CCNG2: variants seen among roughly 807,000 people sequenced by gnomAD.
CCNG2 encodes cyclin G2.
In CCNG2, 20 loss-of-function variants were observed where a neutral mutation model predicts 36.5. The ratio of observed to expected loss-of-function variants is 0.55; its 90% CI spans 0.39 to 0.80. The LOEUF (loss-of-function observed/expected upper bound fraction) is 0.80. Among genes scored for constraint, CCNG2 ranks in the 30% least tolerant of loss-of-function variants. The probability of loss-of-function intolerance (pLI) is 0.00; values close to 1 mark genes in which losing one functional copy is unlikely to be tolerated. For synonymous variants in CCNG2, 155 were observed against 140.1 expected (o/e 1.11, Z -0.75); for missense variants, 358 against 390.8 (o/e 0.92, Z 0.71).
chr4:77,161,290 CAG>C (rs1464638285), intron 4 of CCNG2, among the ~76,000 whole-genome samples, 188 bp from the exon 5 acceptor site: 1 of 151,918 alleles, frequency 6.6e-6, no homozygotes, highest in Non-Finnish European at 1.5e-5. Flanking sequence ...TTAGTAGAGA[CAG>C]GGTTTTTCCA....
chr4:77,160,683 T>A lies in CCNG2; in HGVS notation c.277-38T>A, dbSNP rs779139770. On this transcript the variant is annotated intron_variant, in intron 3 of 7. Coordinates refer to ENST00000316355, the MANE Select transcript of CCNG2 (RefSeq NM_004354.3). ...ATTCTAAGTATCTGCTAAGTCAAAGTGACAGTTGTTAAAAGAAGCCTCTTG... is the reference window on the plus strand; with the variant it reads ...ATTCTAAGTATCTGCTAAGTCAAAGAGACAGTTGTTAAAAGAAGCCTCTTG... 1.9e-6 allele frequency: 3 copies of A among 1,597,242 alleles called. No individual in the cohort carries two copies. In the East Asian group the frequency reaches 6.7e-5, roughly 36 times the overall value.
Position 77,160,874 on chromosome 4 carries a change from A to G in CCNG2, c.430A>G (p.Ile144Val), listed in dbSNP as rs760060047. The change falls in exon 4 of 8, where the codon ATA (isoleucine) becomes GTA (valine). Residue 144 changes from isoleucine to valine, a missense_variant. Ile to Val is a conservative substitution (Grantham distance 29, BLOSUM62 3). Coordinates refer to ENST00000316355, the MANE Select transcript of CCNG2 (RefSeq NM_004354.3). ...TASDIKRMEKIISEKLHYELE... is the reference protein window; with the variant it reads ...TASDIKRMEKVISEKLHYELE... The stretch of plus-strand genomic sequence containing the variant: ...TTCTGACATAAAACGGATGGAAAAA[A>G]TAATTTCAGAAAAATTGCACTATGA... 5 of 1,613,690 alleles carry G rather than the reference A, an allele frequency of 3.1e-6. No homozygotes were observed. The highest frequency in any genetic ancestry group is 3.4e-6 in the Non-Finnish European group (4 of 1,179,988).
chr4:77,158,331 C>T (rs1485818719), intron 1 of CCNG2: 7 of 569,090 alleles, frequency 1.2e-5, no homozygotes, highest in African/African-American at 1.9e-5. Context: ...GACCTGACCA[C>T]GGCTCCTCCC....
rs889908523 is a variant in CCNG2, at chr4:77,160,382, A to T, written c.277-339A>T. 4.7e-5 allele frequency among the ~76,000 whole-genome samples: 7 copies of T among 149,262 alleles called. No individual in the cohort carries two copies. In the East Asian group the frequency reaches 1.4e-3, roughly 29 times the overall value. On this transcript the variant is annotated intron_variant, in intron 3 of 7. Coordinates refer to ENST00000316355, the MANE Select transcript of CCNG2 (RefSeq NM_004354.3). ...AACTTTTTTTTTTTTTTTTAAATAG[A>T]GATGGAGGCTTGCTGTGTTGGCCAG... is the stretch of plus-strand genomic sequence containing the variant.
chr4:77,159,792 C>T (rs1731378119), intron 3 of CCNG2, among the ~76,000 whole-genome samples: 1 of 152,120 alleles, frequency 6.6e-6, no homozygotes, highest in Admixed American at 6.5e-5. Context: ...ATTTATAGTC[C>T]TCAATATAAG....
rs934609340 is a variant in CCNG2, at chr4:77,167,948, C to A, written c.*2024C>A. 6.6e-6 allele frequency: 1 copy of A among 152,196 alleles called. No homozygotes were observed. The highest frequency in any genetic ancestry group is 2.4e-5 in the African/African-American group (1 of 41,448). The allele number at this position is 152,196 out of a possible 1,614,324, so 9.4% of individuals were successfully genotyped here. On this transcript the variant is annotated 3_prime_UTR_variant, in exon 8 of 8. Coordinates refer to ENST00000316355, the MANE Select transcript of CCNG2 (RefSeq NM_004354.3). ...GGGGCTTACCAAATCTCAAGACTCTCTTTAGCTCCTGCAGGATTGTATTGC... is the reference window on the plus strand; with the variant it reads ...GGGGCTTACCAAATCTCAAGACTCTATTTAGCTCCTGCAGGATTGTATTGC...
At chr4:77,158,764 A>T (rs1404982220) in intron 2 of CCNG2, 94 bp downstream of exon 2, 1 of 1,303,182 alleles carries the variant, frequency 7.7e-7, no homozygotes, top group Admixed American at 2.3e-5. Flanking sequence ...TAAAGCCTGC[A>T]AAATTTCTTA....
At position 77,161,642 on chromosome 4, in the gene CCNG2, C is replaced by A. The variant is rs1422399778; in HGVS notation, c.607-7C>A. ...AATATTTTTCTTTTTTTTCTTTTTT[C>A]TTACAGCCATCTGTATTAGCCTTGT... On this transcript the variant is annotated splice_polypyrimidine_tract_variant and splice_region_variant and intron_variant, in intron 5 of 7. Coordinates refer to ENST00000316355, the MANE Select transcript of CCNG2 (RefSeq NM_004354.3). 1 of 1,574,768 alleles carries A rather than the reference C, an allele frequency of 6.4e-7. No individual in the cohort carries two copies. Among genetic ancestry groups the A allele is most frequent in the Non-Finnish European group, 8.6e-7 (1 of 1,163,280 alleles).
rs766784581 is a variant in CCNG2, at chr4:77,165,898, G to A, written c.1009G>A (p.Ala337Thr). 1 of 1,608,934 alleles carries A rather than the reference G, an allele frequency of 6.2e-7. No homozygotes were observed. Among genetic ancestry groups the A allele is most frequent in the African/African-American group, 1.3e-5 (1 of 74,596 alleles). ...CACCTTCTTTTTCAACTTCAAAGTG[G>A]CACAAACACTGTGCTTTCCATCTTA... The part of the protein sequence containing the change: ...ECTFFFNFKV[A>T]QTLCFPS The change falls in exon 8 of 8, where the codon GCA becomes ACA. Residue 337 changes from alanine to threonine, a missense_variant. Physicochemically the swap from Ala to Thr is moderately conservative, Grantham distance 58. Transcript: ENST00000316355.
At chr4:77,158,363 T>G in intron 1 of CCNG2, 170 bp from the exon 2 acceptor site, 1 of 612,478 alleles carries the variant, frequency 1.6e-6, no homozygotes, top group Non-Finnish European at 2.9e-6. Context: ...TCCCTGGCCG[T>G]GGTGGGGATT....
intron 1 of CCNG2, 154 bp from the exon 2 acceptor site, chr4:77,158,378 TG>T: frequency 1.5e-6 from 1 of 685,880 alleles, no homozygotes; most frequent in Non-Finnish European, 2.5e-6. Context: ...GGGATTGCCC[TG>T]GGGCTCTGGC....
In CCNG2 at chr4:77,161,626, CTTTT is replaced by C. The variant is rs762664443; in HGVS notation, c.607-18_607-15del. Reference sequence around the variant, plus strand: ...TTTTGAATTTTTAAAAAATATTTTTCTTTTTTTTCTTTTTTCTTACAGCCATCTG... The same window carrying C: ...TTTTGAATTTTTAAAAAATATTTTTCTTTTCTTTTTTCTTACAGCCATCTG... On this transcript the variant is annotated intron_variant, in intron 5 of 7. Transcript: ENST00000316355. 1.6e-5 allele frequency: 25 copies of C among 1,563,368 alleles called. No individual in the cohort carries two copies. In the South Asian group the frequency reaches 1.7e-4, roughly 10 times the overall value.
intron 6 of CCNG2, among the ~76,000 whole-genome samples, chr4:77,163,401 A>C (rs564697427): frequency 9.5e-4 from 145 of 152,326 alleles, no homozygotes; most frequent in African/African-American, 3.2e-3. Context: ...TAATGTCAGT[A>C]GAGCAGTGAG....
chr4:77,160,530 T>G lies in CCNG2; in HGVS notation c.277-191T>G, dbSNP rs992718319. ...CCACTGTTCCCTGCTGCCTTTTTTT[T>G]TGGGGGGGGGGGGAGGTCGAGAACG... On this transcript the variant is annotated intron_variant, in intron 3 of 7. Transcript: ENST00000316355. Among the ~76,000 whole-genome samples the G allele has an allele frequency of 1.5e-4, 16 of 109,994 alleles. No individual in the cohort carries two copies. The East Asian group carries it at 4.4e-3, about 30-fold the overall frequency. The allele number at this position is 109,994 out of a possible 152,430, so 72.2% of individuals were successfully genotyped here. A position where few individuals can be genotyped will look rare whatever the true frequency, so the allele number is the denominator to read the frequency against.
In CCNG2 at chr4:77,168,753, C is replaced by T. The variant is rs4640692; in HGVS notation, c.*2829C>T. ...GGAGGCTCACAGACAAGTCCAGGAG[C>T]CTGGTTATACCCTCCTGTGCCATTC... On this transcript the variant is annotated 3_prime_UTR_variant, in exon 8 of 8. Transcript: ENST00000316355. 0.48 allele frequency: 73,422 copies of T among 151,886 alleles called. 18,050 individuals carry two copies. Among genetic ancestry groups the T allele is most frequent in the Middle Eastern group, 0.62 (182 of 294 alleles). 9.4% of individuals were successfully genotyped at this position (151,886 alleles called of 1,614,324 possible). A position where few individuals can be genotyped will look rare whatever the true frequency, so the allele number is the denominator to read the frequency against.
rs1731672321 is a variant in CCNG2 at position 77,168,005 on chromosome 4, A to T, written c.*2081A>T. The stretch of plus-strand genomic sequence containing the variant: ...TACTGGATATTTTTCCTGGGTAAGC[A>T]TCTTTGTGGCTTCATCTCTTCCCCC... On this transcript the variant is annotated 3_prime_UTR_variant, in exon 8 of 8. Coordinates refer to ENST00000316355, the MANE Select transcript of CCNG2 (RefSeq NM_004354.3). 6.6e-6 allele frequency: 1 copy of T among 152,148 alleles called. No individual in the cohort carries two copies. Among genetic ancestry groups the T allele is most frequent in the African/African-American group, 2.4e-5 (1 of 41,416 alleles). 9.4% of individuals were successfully genotyped at this position (152,148 alleles called of 1,614,324 possible).
In CCNG2 at chr4:77,168,384, G is replaced by T. The variant is rs1731682407; in HGVS notation, c.*2460G>T. Reference sequence around the variant, plus strand: ...CCCTCAGCTTCCAGGCTTACTCCTGGTCTCTGCCTTCCTATCTACATATCC... The same window carrying T: ...CCCTCAGCTTCCAGGCTTACTCCTGTTCTCTGCCTTCCTATCTACATATCC... On this transcript the variant is annotated 3_prime_UTR_variant, in exon 8 of 8. Transcript: ENST00000316355. The T allele has an allele frequency of 6.6e-6, 1 of 152,114 alleles. No individual in the cohort carries two copies. The highest frequency in any genetic ancestry group is 6.6e-5 in the Admixed American group (1 of 15,260). The allele number at this position is 152,114 out of a possible 1,614,324, so 9.4% of individuals were successfully genotyped here.
intron 3 of CCNG2, 60 bp from the exon 4 acceptor site, chr4:77,160,661 C>T (rs557377913): frequency 1.3e-6 from 2 of 1,535,290 alleles, no homozygotes; most frequent in Non-Finnish European, 1.8e-6. Flanking sequence ...TTACAATATT[C>T]TAAGTATCTG....
chr4:77,159,543 A>G (rs201663220), intron 3 of CCNG2, 39 bp downstream of exon 3: 9 of 1,598,632 alleles, frequency 5.6e-6, no homozygotes, highest in African/African-American at 2.7e-5. Flanking sequence ...TCCTTTTTCT[A>G]TGCCCAGTGC....
Sources: gnomAD v4.1 joint callset for allele counts (sites outside exome capture counted in the v4.1 genomes callset) on GRCh38, gnomAD v4.1.1 for gene constraint, MANE v1.5 for transcripts, NCBI Gene and HGNC (gene_info 2026-07-23, HGNC 2026-07-21) for gene names.